Variants in IFT122 observed in about 807,000 individuals in gnomAD.
IFT122 encodes intraflagellar transport protein 122 homolog.
Under a neutral mutation model 161.6 loss-of-function variants are expected in IFT122, and 118 were observed. The ratio of observed to expected loss-of-function variants is 0.73; its 90% CI spans 0.63 to 0.85. IFT122 has a LOEUF of 0.85. Among genes scored for constraint, IFT122 ranks in the 40% least tolerant of loss-of-function variants. IFT122 has a pLI of 0.00. For missense variants in IFT122, 1,381 were observed against 1,579.6 expected, an observed-to-expected ratio of 0.87 and a Z score of 2.13; for synonymous variants, 550 against 602.4, an observed-to-expected ratio of 0.91 and a Z score of 1.27.
At chr3:129,447,605 C>T (rs2074179456) in intron 1 of IFT122, among the ~76,000 whole-genome samples, 2 of 152,116 alleles carry the variant, frequency 1.3e-5, no homozygotes, top group African/African-American at 2.4e-5. Context: ...CTCTGTCTCC[C>T]GGGTTCAAGC....
In IFT122 at chr3:129,467,065, T is replaced by C; in HGVS notation, c.739T>C (p.Leu247=). 1 of 1,613,290 alleles carries C rather than the reference T, an allele frequency of 6.2e-7. No homozygotes were observed. The highest frequency in any genetic ancestry group is 8.5e-7 in the Non-Finnish European group (1 of 1,179,808). Residue 247 remains leucine, a splice_region_variant and synonymous_variant, in exon 8 of 30, where the codon TTA becomes CTA. Transcript: ENST00000348417. The stretch of plus-strand genomic sequence containing the variant: ...GGACGACAGTCCCAGGGACGACAAC[T>C]TGTGAGTGTGTCCCAGTGAGTGGGA... ...EEDDSPRDDN[L]EERNDILAVA...
intron 14 of IFT122, among the ~76,000 whole-genome samples, chr3:129,482,014 C>T (rs1175226410): frequency 2.6e-5 from 4 of 152,210 alleles, no homozygotes; most frequent in Admixed American, 6.5e-5. Context: ...AGGGGTGTGA[C>T]GTTGGCACTC....
chr3:129,451,571 T>A lies in IFT122; in HGVS notation c.109-343T>A, dbSNP rs78750013. Among the ~76,000 whole-genome samples, 381 of 152,348 alleles carry A rather than the reference T, an allele frequency of 2.5e-3. 2 individuals are homozygous for A. The highest frequency in any genetic ancestry group is 8.6e-3 in the African/African-American group (356 of 41,576). ...TAATCATGTTGTAGCTGGCTCTTTT[T>A]ATGGGCTAGTTTTATTTAGGAGGGC... On this transcript the variant is annotated intron_variant, in intron 2 of 29. Coordinates refer to ENST00000348417, the MANE Select transcript of IFT122 (RefSeq NM_052989.3).
intron 9 of IFT122, among the ~76,000 whole-genome samples, chr3:129,469,645 A>G (rs769283635): frequency 2.0e-5 from 3 of 152,236 alleles, no homozygotes; most frequent in African/African-American, 4.8e-5. Flanking sequence ...GAAATGAGTA[A>G]ACCAGAACTC....
At chr3:129,463,478 T>A (rs2076392373) in intron 5 of IFT122, 82 bp from the exon 6 acceptor site, 11 of 1,088,842 alleles carry the variant, frequency 1.0e-5, no homozygotes, top group Non-Finnish European at 1.6e-5. Flanking sequence ...TAAGTTGTTG[T>A]ATGTTTCAAT....
intron 26 of IFT122, among the ~76,000 whole-genome samples, chr3:129,516,623 A>G (rs1029592513): frequency 7.3e-6 from 1 of 136,182 alleles, no homozygotes; most frequent in Admixed American, 7.3e-5. Flanking sequence ...CCCTGCACAC[A>G]CACACACACA....
chr3:129,472,279 A>G (rs761636238), intron 9 of IFT122, among the ~76,000 whole-genome samples: 1 of 152,076 alleles, frequency 6.6e-6, no homozygotes, highest in Non-Finnish European at 1.5e-5. Context: ...TTGGCCTTCC[A>G]AGTAGCTGGG....
Position 129,502,850 on chromosome 3 carries a change from C to G in IFT122, c.2515C>G (p.Gln839Glu), listed in dbSNP as rs1240767135. The G allele has an allele frequency of 6.2e-7, 1 of 1,612,266 alleles. No homozygotes were observed. The highest frequency in any genetic ancestry group is 1.7e-5 in the Admixed American group (1 of 60,028). ...LKMGDLKSLV[Q>E]LHVETQRWDE... is the part of the protein sequence containing the mutation. ...GATGGGTGACCTCAAGTCCCTGGTG[C>G]AGCTGCACGTGGAGACCCAGCGCTG... is the stretch of plus-strand genomic sequence containing the variant. The change falls in exon 20 of 30, where the codon CAG becomes GAG. Residue 839 changes from glutamine (Q) to glutamate (E), a missense_variant. Transcript: ENST00000348417.
At chr3:129,498,952 C>CTGAG (rs1176646537) in intron 18 of IFT122, among the ~76,000 whole-genome samples, 2 of 152,232 alleles carry the variant, frequency 1.3e-5, no homozygotes, top group Non-Finnish European at 2.9e-5. Context: ...AGGTGGTGTT[C>CTGAG]TGAGGCTGTT....
intron 22 of IFT122, among the ~76,000 whole-genome samples, chr3:129,507,286 A>G (rs2082285102): frequency 6.6e-6 from 1 of 152,228 alleles, no homozygotes; most frequent in South Asian, 2.1e-4. Context: ...GGGAAGAGGC[A>G]TAAGATGAGC....
chr3:129,493,054 G>C (rs986000804), intron 17 of IFT122, among the ~76,000 whole-genome samples: 4 of 152,056 alleles, frequency 2.6e-5, no homozygotes, highest in African/African-American at 9.7e-5. Flanking sequence ...GTGGGCTCAA[G>C]CTATTAGCCC....
chr3:129,517,422 C>G (rs746452983), intron 26 of IFT122, 47 bp from the exon 27 acceptor site: 11 of 1,608,978 alleles, frequency 6.8e-6, no homozygotes, highest in East Asian at 2.2e-5. Flanking sequence ...GCGGCAAGTC[C>G]TTTGCAAGGC....
At position 129,461,303 on chromosome 3, in the gene IFT122, T is replaced by C. The variant is rs144031572; in HGVS notation, c.348T>C (p.Phe116=). Residue 116 remains phenylalanine, a splice_region_variant and synonymous_variant, in exon 5 of 30, where the codon TTT becomes TTC. Transcript: ENST00000348417. ...TGGCATCTTGTTCCTCCAGTGACTT[T>C]GGTACGTTCTGATTCCTGATGTCCT... ...HQLASCSSSD[F]GLWSPEQKSV... 331 of 1,608,378 alleles carry C rather than the reference T, an allele frequency of 2.1e-4. No individual in the cohort carries two copies. Among genetic ancestry groups the C allele is most frequent in the Non-Finnish European group, 2.8e-4 (326 of 1,174,704 alleles).
At chr3:129,456,239 AG>A in intron 3 of IFT122, 5 of 1,282,854 alleles carry the variant, frequency 3.9e-6, no homozygotes, top group Non-Finnish European at 5.1e-6. Context: ...GCTACCTACC[AG>A]GATGAGGGAG....
chr3:129,459,245 C>G (rs773223574), intron 4 of IFT122: 14 of 450,630 alleles, frequency 3.1e-5, no homozygotes, highest in Non-Finnish European at 5.3e-5. Flanking sequence ...TATTGCTCAT[C>G]GGCCTGTAAG....
intron 12 of IFT122, among the ~76,000 whole-genome samples, chr3:129,478,953 TAGAG>T (rs1481169111): frequency 6.6e-6 from 1 of 152,168 alleles, no homozygotes; most frequent in Non-Finnish European, 1.5e-5. Flanking sequence ...TCAAGATTCT[TAGAG>T]AGTGTCTAAG....
chr3:129,495,270 G>C (rs2080698455), intron 17 of IFT122, among the ~76,000 whole-genome samples, 176 bp from the exon 18 acceptor site: 1 of 152,178 alleles, frequency 6.6e-6, no homozygotes. Context: ...GCCTGCTTTT[G>C]TTGTCAAGCC....
At position 129,520,347 on chromosome 3, in the gene IFT122, C is replaced by T; in HGVS notation, c.*82C>T. ...GAAGGAGAATAAAGAGTTAAACTGTCAGAATGTGTTTCTTGCCCAGATGAA... is the reference window on the plus strand; with the variant it reads ...GAAGGAGAATAAAGAGTTAAACTGTTAGAATGTGTTTCTTGCCCAGATGAA... On this transcript the variant is annotated 3_prime_UTR_variant, in exon 30 of 30. Transcript: ENST00000348417. 9.1e-7 allele frequency: 1 copy of T among 1,093,118 alleles called. No individual in the cohort carries two copies. The highest frequency in any genetic ancestry group is 1.3e-5 in the South Asian group (1 of 75,818). The allele number at this position is 1,093,118 out of a possible 1,614,324, so 67.7% of individuals were successfully genotyped here.
chr3:129,459,002 G>T (rs748099324), intron 4 of IFT122, among the ~76,000 whole-genome samples: 7 of 152,152 alleles, frequency 4.6e-5, no homozygotes, highest in Non-Finnish European at 1.0e-4. Flanking sequence ...TATCCACCCA[G>T]TGTCAAATGT....
Sources: allele counts gnomAD v4.1 joint callset (sites outside exome capture counted in the v4.1 genomes callset), GRCh38; gene constraint gnomAD v4.1.1; transcripts MANE v1.5; gene names NCBI Gene and HGNC (gene_info 2026-07-23, HGNC 2026-07-21).